Variants in EXOC4 observed in about 807,000 individuals in gnomAD.
EXOC4 encodes the protein exocyst complex component 4, also known as SEC8-like 1.
In EXOC4, 71 loss-of-function variants were observed where a neutral mutation model predicts 107.2. That is an observed-to-expected ratio of 0.66 (90% CI 0.55 to 0.81). The LOEUF (loss-of-function observed/expected upper bound fraction) is 0.81, where lower values mean the gene tolerates loss of function less well. EXOC4 is among the 30% of genes least tolerant of loss of function. EXOC4 has a pLI of 0.00. For synonymous variants in EXOC4, 456 were observed against 441.2 expected (o/e 1.03, Z -0.42); for missense variants, 1,108 against 1,189.6 (o/e 0.93, Z 1.01).
chr7:133,770,526 A>G (rs1379332246), intron 10 of EXOC4, among the ~76,000 whole-genome samples: 2 of 151,980 alleles, frequency 1.3e-5, no homozygotes, highest in African/African-American at 4.8e-5. Flanking sequence ...TAGCCAATGC[A>G]CACTTAATCA....
At chr7:133,436,163 C>T (rs1797969869) in intron 7 of EXOC4, among the ~76,000 whole-genome samples, 1 of 151,794 alleles carries the variant, frequency 6.6e-6, no homozygotes, top group South Asian at 2.1e-4. Context: ...TCTTGGCATC[C>T]ATGCAAACTA....
chr7:133,585,899 T>C (rs1432050527), intron 9 of EXOC4, among the ~76,000 whole-genome samples: 2 of 152,074 alleles, frequency 1.3e-5, no homozygotes, highest in Admixed American at 6.6e-5. Context: ...TTCACCATGT[T>C]GGCCAGGCTG....
intron 10 of EXOC4, among the ~76,000 whole-genome samples, chr7:133,795,002 G>A (rs945848565): frequency 5.4e-5 from 8 of 149,294 alleles, no homozygotes; most frequent in African/African-American, 2.0e-4. Context: ...TCCACACAAT[G>A]GATAGTTTTC....
chr7:133,684,722 G>A (rs1308407138), intron 10 of EXOC4, among the ~76,000 whole-genome samples: 1 of 152,094 alleles, frequency 6.6e-6, no homozygotes, highest in East Asian at 1.9e-4. Flanking sequence ...GGTCTCCTGG[G>A]CATGCAAATA....
intron 17 of EXOC4, among the ~76,000 whole-genome samples, chr7:134,014,491 G>A (rs1005449973): frequency 6.6e-6 from 1 of 152,176 alleles, no homozygotes; most frequent in Non-Finnish European, 1.5e-5. Flanking sequence ...TTTGGCCACA[G>A]AAAGACATGA....
rs574005512 is a variant in EXOC4 at position 133,401,605 on chromosome 7, T to G, written c.1182+26603T>G. Reference sequence around the variant, plus strand: ...TGAACACAGGAGGTTAAGGCTGCAGTGAGCTATGTTGCTGCCACTGCACTC... The same window carrying G: ...TGAACACAGGAGGTTAAGGCTGCAGGGAGCTATGTTGCTGCCACTGCACTC... On this transcript the variant is annotated intron_variant, in intron 7 of 17. Coordinates refer to ENST00000253861, the MANE Select transcript of EXOC4 (RefSeq NM_021807.4). Among the ~76,000 whole-genome samples the G allele has an allele frequency of 1.1e-4, 17 of 150,936 alleles. No homozygotes were observed. In the East Asian group the frequency reaches 3.1e-3, roughly 28 times the overall value.
chr7:133,615,071 G>A (rs1476885249), intron 9 of EXOC4, among the ~76,000 whole-genome samples: 4 of 152,074 alleles, frequency 2.6e-5, no homozygotes, highest in Admixed American at 6.6e-5. Context: ...CTATGATATC[G>A]TCACTGAAAC....
chr7:133,385,395 G>T (rs554350597), intron 7 of EXOC4, among the ~76,000 whole-genome samples: 111 of 152,324 alleles, frequency 7.3e-4, no homozygotes, highest in African/African-American at 2.5e-3. Context: ...TGTGTCACAA[G>T]ATAGAGGCCG....
intron 13 of EXOC4, among the ~76,000 whole-genome samples, chr7:133,924,957 ATT>A (rs1800018462): frequency 2.0e-5 from 3 of 152,250 alleles, no homozygotes; most frequent in Admixed American, 2.0e-4. Flanking sequence ...AACCTGTCAC[ATT>A]CTCTATCCCA....
At chr7:134,098,269 T>C in the EXOC4 span, among the ~76,000 whole-genome samples, 1 of 152,184 alleles carries the variant, frequency 6.6e-6, no homozygotes, top group African/African-American at 2.4e-5. Context: ...TACATAATTA[T>C]GACTTAATCC....
At chr7:133,571,396 C>T (rs1801020858) in intron 9 of EXOC4, among the ~76,000 whole-genome samples, 2 of 152,120 alleles carry the variant, frequency 1.3e-5, no homozygotes, top group Admixed American at 6.5e-5. Context: ...AAATTTAGGC[C>T]AGGCCCAGTG....
At chr7:133,563,398 G>C (rs1321020502) in intron 9 of EXOC4, among the ~76,000 whole-genome samples, 1 of 152,176 alleles carries the variant, frequency 6.6e-6, no homozygotes, top group African/African-American at 2.4e-5. Flanking sequence ...GCTGTTGGCT[G>C]TGCGGTTTCT....
intron 17 of EXOC4, among the ~76,000 whole-genome samples, chr7:134,046,613 G>A (rs78333021): frequency 0.032 from 4,845 of 149,936 alleles, 136 homozygotes; most frequent in Non-Finnish European, 0.049. Context: ...TAGTAAGTAC[G>A]TGGTCCCCTG....
chr7:133,570,297 G>T (rs544501707), intron 9 of EXOC4, among the ~76,000 whole-genome samples: 10 of 152,290 alleles, frequency 6.6e-5, no homozygotes, highest in African/African-American at 1.9e-4. Context: ...TCACCAGTTA[G>T]TGATCATCCA....
At chr7:133,588,962 ATGTGTG>A (rs765807599) in intron 9 of EXOC4, among the ~76,000 whole-genome samples, 1 of 151,036 alleles carries the variant, frequency 6.6e-6, no homozygotes, top group Admixed American at 6.6e-5. Flanking sequence ...GTGTGCACAT[ATGTGTG>A]TGTGTGTGTA....
chr7:133,933,437 G>C (rs1211879587), intron 13 of EXOC4, among the ~76,000 whole-genome samples: 1 of 152,060 alleles, frequency 6.6e-6, no homozygotes, highest in Non-Finnish European at 1.5e-5. Context: ...TTCTGCTCCT[G>C]GCTGTGTCAG....
intron 10 of EXOC4, among the ~76,000 whole-genome samples, chr7:133,665,061 A>G (rs1327051195): frequency 6.6e-6 from 1 of 152,188 alleles, no homozygotes; most frequent in African/African-American, 2.4e-5. Context: ...GGTATAGTTC[A>G]TTCATTCCTT....
chr7:133,863,827 G>A (rs1341950565), intron 11 of EXOC4, among the ~76,000 whole-genome samples: 1 of 152,152 alleles, frequency 6.6e-6, no homozygotes, highest in Non-Finnish European at 1.5e-5. Context: ...ACTGACAGTT[G>A]TGACATTCAG....
Position 133,374,860 on chromosome 7 carries a change from A to G in EXOC4, c.1040A>G (p.Asp347Gly). The G allele has an allele frequency of 6.2e-7, 1 of 1,613,788 alleles. No individual in the cohort carries two copies. Among genetic ancestry groups the G allele is most frequent in the Non-Finnish European group, 8.5e-7 (1 of 1,179,760 alleles). Residue 347 changes from aspartate to glycine, a missense_variant, in exon 7 of 18, where the codon GAC (aspartate) becomes GGC (glycine). By Grantham distance (94) the Asp-to-Gly change is moderately conservative. Coordinates refer to ENST00000253861, the MANE Select transcript of EXOC4 (RefSeq NM_021807.4). ...CTAGAACTGCTGGAGTTACTGTTTG[A>G]CAAGTTTAATGCTGTAGCCGCTGCA... ...LLLELLELLFDKFNAVAAAHS... is the reference protein window; with the variant it reads ...LLLELLELLFGKFNAVAAAHS...
Sources: allele counts gnomAD v4.1 joint callset (sites outside exome capture counted in the v4.1 genomes callset), GRCh38; gene constraint gnomAD v4.1.1; transcripts MANE v1.5; gene names NCBI Gene and HGNC (gene_info 2026-07-23, HGNC 2026-07-21).